The following ADCY2 variants were observed in gnomAD, a reference collection of about 807,000 sequenced individuals.
ADCY2 encodes adenylate cyclase 2.
In ADCY2, 31 loss-of-function variants were observed where a neutral mutation model predicts 125.2. The observed-to-expected ratio is 0.25, with a 90% confidence interval of 0.19 to 0.33. The LOEUF is 0.33. ADCY2 is among the 10% of genes least tolerant of loss of function. The pLI, the probability that ADCY2 is intolerant of heterozygous loss-of-function variation, is 1.00. For synonymous variants in ADCY2, 512 were observed against 548.4 expected (o/e 0.93, Z 0.93); for missense variants, 904 against 1,418.2 (o/e 0.64, Z 5.82).
chr5:7,669,879 T>C (rs1213359995), intron 4 of ADCY2, among the ~76,000 whole-genome samples: 3 of 152,152 alleles, frequency 2.0e-5, no homozygotes, highest in Admixed American at 2.0e-4. Context: ...CAGGGTTATG[T>C]AGAGGATGGC....
At chr5:7,699,551 A>G (rs532403496) in intron 7 of ADCY2, among the ~76,000 whole-genome samples, 1 of 152,150 alleles carries the variant, frequency 6.6e-6, no homozygotes, top group Non-Finnish European at 1.5e-5. Context: ...AATGCAATGG[A>G]AAGTAAGACT....
intron 4 of ADCY2, among the ~76,000 whole-genome samples, chr5:7,657,568 A>G (rs1475195711): frequency 6.6e-6 from 1 of 152,232 alleles, no homozygotes; most frequent in Non-Finnish European, 1.5e-5. Context: ...TCTCCCTGCC[A>G]TGCACACATG....
At chr5:7,539,368 AT>A (rs1235402922) in intron 3 of ADCY2, among the ~76,000 whole-genome samples, 3 of 152,006 alleles carry the variant, frequency 2.0e-5, no homozygotes, top group African/African-American at 7.2e-5. Context: ...AAAAAAAAAA[AT>A]AAAACCTCAT....
At chr5:7,627,508 CT>C (rs1433868815) in intron 4 of ADCY2, among the ~76,000 whole-genome samples, 2 of 152,204 alleles carry the variant, frequency 1.3e-5, no homozygotes, top group Admixed American at 1.3e-4. Context: ...GTCTGTAAAG[CT>C]AATAATTAGC....
chr5:7,754,100 A>G (rs1186261314), intron 15 of ADCY2, among the ~76,000 whole-genome samples: 3 of 152,192 alleles, frequency 2.0e-5, no homozygotes, highest in Non-Finnish European at 2.9e-5. Context: ...GCGTCTAGTA[A>G]GTAGCTGCAA....
At chr5:7,523,441 C>T (rs1252753389) in intron 3 of ADCY2, among the ~76,000 whole-genome samples, 1 of 151,944 alleles carries the variant, frequency 6.6e-6, no homozygotes, top group Non-Finnish European at 1.5e-5. Flanking sequence ...TAAAATAGCA[C>T]CAAGAATAAA....
At chr5:7,576,946 C>T (rs1736271775) in intron 3 of ADCY2, among the ~76,000 whole-genome samples, 1 of 152,186 alleles carries the variant, frequency 6.6e-6, no homozygotes, top group Non-Finnish European at 1.5e-5. Flanking sequence ...ATAGACTTAT[C>T]TTTACTGAAA....
intron 20 of ADCY2, among the ~76,000 whole-genome samples, chr5:7,790,097 C>A (rs945490275): frequency 6.6e-6 from 1 of 152,130 alleles, no homozygotes; most frequent in African/African-American, 2.4e-5. Flanking sequence ...TTATGAGGCA[C>A]TAGGATCCCA....
chr5:7,562,054 G>A (rs1244508687), intron 3 of ADCY2, among the ~76,000 whole-genome samples: 1 of 151,960 alleles, frequency 6.6e-6, no homozygotes, highest in Non-Finnish European at 1.5e-5. Context: ...GTTTTATATA[G>A]TTTTGTTGAT....
At chr5:7,506,220 AAAC>A (rs1157461218) in intron 2 of ADCY2, among the ~76,000 whole-genome samples, 1 of 152,248 alleles carries the variant, frequency 6.6e-6, no homozygotes, top group African/African-American at 2.4e-5. Context: ...CAAAGTGTGT[AAAC>A]AGTTGGAAGA....
intron 3 of ADCY2, among the ~76,000 whole-genome samples, chr5:7,526,351 C>T (rs1734457675): frequency 6.6e-6 from 1 of 152,112 alleles, no homozygotes. Flanking sequence ...AAAATTGGTT[C>T]ACAAGTACAA....
intron 2 of ADCY2, among the ~76,000 whole-genome samples, chr5:7,423,809 T>C (rs1166203723): frequency 1.3e-5 from 2 of 152,148 alleles, no homozygotes. Context: ...TGGAACATTC[T>C]CTCTGCTCCT....
intron 24 of ADCY2, chr5:7,826,509 G>A (rs1032477814): frequency 1.0e-4 from 73 of 696,590 alleles, no homozygotes; most frequent in Non-Finnish European, 1.7e-4. Flanking sequence ...GTTGTTTCCA[G>A]TTTTTCACTA....
rs1273234158 is a variant in ADCY2 at position 7,706,922 on chromosome 5, T to G, written c.1268+20T>G. The G allele has an allele frequency of 6.2e-7, 1 of 1,613,194 alleles. No individual in the cohort carries two copies. ...CCCTGGGTAAGGCCAAGCATTGGAT[T>G]TCTTTCTTCAAGCAGGCAGAACTAT... On this transcript the variant is annotated intron_variant, in intron 8 of 24. Coordinates refer to ENST00000338316, the MANE Select transcript of ADCY2 (RefSeq NM_020546.3).
chr5:7,511,604 G>A (rs1744062469), intron 2 of ADCY2, among the ~76,000 whole-genome samples: 1 of 152,014 alleles, frequency 6.6e-6, no homozygotes, highest in Non-Finnish European at 1.5e-5. Context: ...AGTGTGATTA[G>A]CAAGAAAGAA....
chr5:7,414,570 C>T lies in ADCY2; in HGVS notation c.211-3C>T, dbSNP rs141777654. 1.0e-3 allele frequency: 1,663 copies of T among 1,605,318 alleles called. 16 individuals carry two copies. In the East Asian group the frequency reaches 0.027, roughly 26 times the overall value. ...TTTTCCATGTATTTTTTTATCTCCT[C>T]AGGAAGTTGAAGACCATGTGGCGTT... On this transcript the variant is annotated splice_polypyrimidine_tract_variant and splice_region_variant and intron_variant, in intron 1 of 24. Transcript: ENST00000338316.
At chr5:7,825,305 C>A (rs1295405081) in intron 24 of ADCY2, among the ~76,000 whole-genome samples, 1 of 150,696 alleles carries the variant, frequency 6.6e-6, no homozygotes, top group Non-Finnish European at 1.5e-5. Flanking sequence ...CGCTGCTGTG[C>A]GCCATAAAAC....
At chr5:7,455,812 ATATT>A (rs1299082670) in intron 2 of ADCY2, among the ~76,000 whole-genome samples, 5 of 147,346 alleles carry the variant, frequency 3.4e-5, no homozygotes, top group South Asian at 4.2e-4. Context: ...TTATTATAAT[ATATT>A]TAATTATAAT....
Position 7,816,880 on chromosome 5 carries a change from G to A in ADCY2, c.2898G>A (p.Gln966=), listed in dbSNP as rs759101590. The change falls in exon 23 of 25, where the codon CAG becomes CAA. Residue 966 remains glutamine, a synonymous_variant. Transcript: ENST00000338316. ...SQEHSQEPER[Q]YMHIGTMVEF... is the part of the protein sequence containing the mutation. ...TTTGTTCTCAGGAGCCCGAGCGGCA[G>A]TACATGCACATTGGCACCATGGTGG... The A allele has an allele frequency of 7.4e-6, 12 of 1,614,080 alleles. No individual in the cohort carries two copies. The highest frequency in any genetic ancestry group is 9.3e-6 in the Non-Finnish European group (11 of 1,180,030).
Sources: allele counts gnomAD v4.1 joint callset (sites outside exome capture counted in the v4.1 genomes callset), GRCh38; gene constraint gnomAD v4.1.1; transcripts MANE v1.5; gene names NCBI Gene and HGNC (gene_info 2026-07-23, HGNC 2026-07-21).